GLB1L2: variants seen among roughly 807,000 people sequenced by gnomAD.
GLB1L2 encodes beta-galactosidase-1-like protein 2.
A neutral mutation model predicts 84.1 loss-of-function variants in GLB1L2; 68 were observed. The ratio of observed to expected loss-of-function variants is 0.81; its 90% CI spans 0.67 to 0.99. The LOEUF is 0.99. GLB1L2 is among the 50% of genes least tolerant of loss of function. The probability of loss-of-function intolerance (pLI) is 0.00; values close to 1 mark genes in which losing one functional copy is unlikely to be tolerated. For missense variants in GLB1L2, 762 were observed against 805.6 expected (o/e 0.95, Z 0.66); for synonymous variants, 290 against 318.0 (o/e 0.91, Z 0.94).
intron 7 of GLB1L2, among the ~76,000 whole-genome samples, chr11:134,363,873 C>A (rs944977410): frequency 6.6e-5 from 10 of 152,060 alleles, no homozygotes; most frequent in Non-Finnish European, 1.0e-4. Context: ...TCCTGGCTGA[C>A]TTATTTATTT....
Position 134,364,601 on chromosome 11 carries a change from A to T in GLB1L2, c.804+203A>T. 8 of 563,684 alleles carry T rather than the reference A, an allele frequency of 1.4e-5. No individual in the cohort carries two copies. The South Asian group carries it at 1.6e-4, about 11-fold the overall frequency. 34.9% of individuals were successfully genotyped at this position (563,684 alleles called of 1,614,324 possible). A position where few individuals can be genotyped will look rare whatever the true frequency, so the allele number is the denominator to read the frequency against. ...TGAGGGCTGCTGTGTAGGCTGATGC[A>T]GTGTGGACATCACCCACTGCCCTGA... On this transcript the variant is annotated intron_variant, in intron 8 of 18. Transcript: ENST00000535456.
At chr11:134,353,041 G>C (rs1565437571) in intron 5 of GLB1L2, among the ~76,000 whole-genome samples, 1 of 151,998 alleles carries the variant, frequency 6.6e-6, no homozygotes. Flanking sequence ...GACTTTTTTG[G>C]TTATTGATTT....
chr11:134,357,871 T>A (rs1175784078), intron 6 of GLB1L2, among the ~76,000 whole-genome samples: 2 of 152,228 alleles, frequency 1.3e-5, no homozygotes, highest in African/African-American at 4.8e-5. Flanking sequence ...AATTATCCCC[T>A]CTGGGGTGGA....
At chr11:134,347,525 G>C in intron 5 of GLB1L2, 92 bp downstream of exon 5, 1 of 876,446 alleles carries the variant, frequency 1.1e-6, no homozygotes, top group Non-Finnish European at 1.9e-6. Context: ...GGGTCCTCCA[G>C]TGTTTTGAAC....
In GLB1L2 at chr11:134,375,371, C is replaced by A. The variant is rs554319203; in HGVS notation, c.*313C>A. The A allele has an allele frequency of 5.6e-4, 188 of 334,448 alleles. No individual in the cohort carries two copies. In the South Asian group the frequency reaches 9.0e-3, roughly 16 times the overall value. The allele number at this position is 334,448 out of a possible 1,614,324, so 20.7% of individuals were successfully genotyped here. A position where few individuals can be genotyped will look rare whatever the true frequency, so the allele number is the denominator to read the frequency against. On this transcript the variant is annotated 3_prime_UTR_variant, in exon 19 of 19. Coordinates refer to ENST00000535456, the MANE Select transcript of GLB1L2 (RefSeq NM_001370461.1). Reference sequence around the variant, plus strand: ...CAGCCTTTGGCCCTCAGAAAAAGTGCTGAAACGTGCCCTTGCACTGGACGT... The same window carrying A: ...CAGCCTTTGGCCCTCAGAAAAAGTGATGAAACGTGCCCTTGCACTGGACGT...
chr11:134,356,279 G>A (rs1943700061), intron 5 of GLB1L2, 22 bp from the exon 6 acceptor site: 2 of 1,604,214 alleles, frequency 1.2e-6, no homozygotes, highest in African/African-American at 1.3e-5. Context: ...TCAGCTCCTG[G>A]TTTTCTGTCT....
At chr11:134,374,897 C>G in intron 18 of GLB1L2, 75 bp from the exon 19 acceptor site, 1 of 1,428,334 alleles carries the variant, frequency 7.0e-7, no homozygotes, top group Non-Finnish European at 9.8e-7. Context: ...CCTTCTGACC[C>G]TGCCACCTCT....
At chr11:134,373,900 G>A (rs919174889) in intron 16 of GLB1L2, 92 bp downstream of exon 16, 25 of 972,306 alleles carry the variant, frequency 2.6e-5, no homozygotes, top group Admixed American at 8.6e-5. Flanking sequence ...GGCCTGGCCC[G>A]CACCCAGGTG....
chr11:134,366,057 T>A (rs1302083028), intron 8 of GLB1L2, among the ~76,000 whole-genome samples: 1 of 152,222 alleles, frequency 6.6e-6, no homozygotes, highest in African/African-American at 2.4e-5. Flanking sequence ...GCTTGGGGAC[T>A]GCAGAACAGT....
rs1944017779 is a variant in GLB1L2 at position 134,375,811 on chromosome 11, A to AGTGGCCCC, written c.*753_*754insGTGGCCCC. ...GGGAGGAGGACAGAAGGCCCAGCTC[A>AGTGGCCCC]CATGTGAGTCCTGGCAGAAGCCATG... On this transcript the variant is annotated 3_prime_UTR_variant, in exon 19 of 19. Transcript: ENST00000535456. 6.9e-6 allele frequency: 1 copy of AGTGGCCCC among 144,596 alleles called. No individual in the cohort carries two copies. 9.0% of individuals were successfully genotyped at this position (144,596 alleles called of 1,614,324 possible).
chr11:134,332,283 C>T (rs113109554), intron 1 of GLB1L2, 136 bp downstream of exon 1: 5 of 585,416 alleles, frequency 8.5e-6, no homozygotes, highest in African/African-American at 5.9e-5. Flanking sequence ...TCTGGGAGCT[C>T]CCCAATACCC....
intron 7 of GLB1L2, 53 bp downstream of exon 7, chr11:134,359,194 G>A: frequency 7.6e-7 from 1 of 1,313,404 alleles, no homozygotes; most frequent in Non-Finnish European, 1.1e-6. Context: ...TGGGCTGGCT[G>A]TGCACGCTCC....
rs769925358 is a variant in GLB1L2, at chr11:134,332,095, C to T, written c.34C>T (p.Arg12Cys). ...GTGGAGCCTCCGGCGGAGGCCGGCCCGCACGCTGGGACTCCTGCTGCTGGT... is the reference window on the plus strand; with the variant it reads ...GTGGAGCCTCCGGCGGAGGCCGGCCTGCACGCTGGGACTCCTGCTGCTGGT... ...TTWSLRRRPA[R>C]TLGLLLLVVL... is the part of the protein sequence containing the mutation. Residue 12 changes from arginine (R) to cysteine (C), a missense_variant, in exon 1 of 19, where the codon CGC becomes TGC. Physicochemically the swap from Arg to Cys is radical, Grantham distance 180. Around this residue, in one of 3 missense-constraint regions of GLB1L2, gnomAD observed 100 missense variants for 88.8 expected, o/e 1.13. Transcript: ENST00000535456. The T allele has an allele frequency of 2.5e-6, 4 of 1,590,208 alleles. No homozygotes were observed. Among genetic ancestry groups the T allele is most frequent in the Admixed American group, 3.5e-5 (2 of 57,400 alleles).
In GLB1L2 at chr11:134,370,604, G is replaced by A. The variant is rs1208961798; in HGVS notation, c.1215+205G>A. ...CTGCTCTCCGGCCTTGGAGCTCAGA[G>A]GGAAGAGGACAGACTCATGCTGGAG... is the stretch of plus-strand genomic sequence containing the variant. On this transcript the variant is annotated intron_variant, in intron 12 of 18. Coordinates refer to ENST00000535456, the MANE Select transcript of GLB1L2 (RefSeq NM_001370461.1). This position sits in a 1 kb window ranked among gnomAD's most constrained non-coding sequence, Gnocchi z 4.7. Among the ~76,000 whole-genome samples the A allele has an allele frequency of 2.6e-5, 4 of 152,090 alleles. No individual in the cohort carries two copies. The highest frequency in any genetic ancestry group is 9.7e-5 in the African/African-American group (4 of 41,406).
At chr11:134,352,940 G>A (rs1190007965) in intron 5 of GLB1L2, among the ~76,000 whole-genome samples, 5 of 152,032 alleles carry the variant, frequency 3.3e-5, no homozygotes, top group East Asian at 3.9e-4. Context: ...GAGCCACTGC[G>A]CCTGGCCTCA....
chr11:134,369,582 T>C (rs1400652050), intron 10 of GLB1L2, among the ~76,000 whole-genome samples: 1 of 152,254 alleles, frequency 6.6e-6, no homozygotes, highest in Non-Finnish European at 1.5e-5. Flanking sequence ...CCCAAAGTGC[T>C]GGGATTGCAG....
At chr11:134,359,667 T>G (rs1319731555) in intron 7 of GLB1L2, 1 of 152,424 alleles carries the variant, frequency 6.6e-6, no homozygotes, top group Non-Finnish European at 1.5e-5. Context: ...CGTGTGCCTC[T>G]GAAAATGTCG....
At chr11:134,371,724 G>A (rs548497564) in intron 14 of GLB1L2, 28 bp from the exon 15 acceptor site, 4 of 1,611,852 alleles carry the variant, frequency 2.5e-6, no homozygotes, top group Admixed American at 1.7e-5. Context: ...CCTTCTGACA[G>A]TCATCGTTAG....
At chr11:134,351,989 A>T (rs1943641444) in intron 5 of GLB1L2, among the ~76,000 whole-genome samples, 1 of 152,108 alleles carries the variant, frequency 6.6e-6, no homozygotes, top group South Asian at 2.1e-4. Context: ...CTTCCCTTTC[A>T]ATTTTTGGGA....
Sources: allele counts gnomAD v4.1 joint callset (sites outside exome capture counted in the v4.1 genomes callset), GRCh38; gene constraint gnomAD v4.1.1; regional missense constraint gnomAD v4.1.1; non-coding constraint Gnocchi (gnomAD v3.1); transcripts MANE v1.5; gene names NCBI Gene and HGNC (gene_info 2026-07-23, HGNC 2026-07-21).